Variants in XKR9 observed in about 807,000 individuals in gnomAD.
The protein encoded by XKR9 is XK related 9, also known as XK-related protein 9.
XKR9 carries 32 observed loss-of-function variants against 32.0 expected under a neutral mutation model. That is an observed-to-expected ratio of 1.00 (90% confidence interval 0.76 to 1.34). The LOEUF is 1.34. XKR9 is among the 40% of genes most tolerant of loss of function. The probability of loss-of-function intolerance (pLI) is 0.00; values close to 1 mark genes in which losing one functional copy is unlikely to be tolerated. For missense variants in XKR9, 546 were observed against 429.7 expected (o/e 1.27, Z -2.39); for synonymous variants, 168 against 143.4 (o/e 1.17, Z -1.22).
At chr8:70,821,028 G>A in the XKR9 span, among the ~76,000 whole-genome samples, 3 of 152,128 alleles carry the variant, frequency 2.0e-5, no homozygotes, top group South Asian at 2.1e-4. Flanking sequence ...CAAGTGCAAA[G>A]CCTCATTTGA....
the XKR9 span, among the ~76,000 whole-genome samples, chr8:71,006,221 G>A: frequency 2.0e-5 from 3 of 152,238 alleles, no homozygotes; most frequent in Non-Finnish European, 4.4e-5. Context: ...CCAAGTCCTT[G>A]TACAAGCTTG....
intron 4 of XKR9, among the ~76,000 whole-genome samples, chr8:70,714,872 T>C: frequency 6.6e-6 from 1 of 152,152 alleles, no homozygotes; most frequent in Non-Finnish European, 1.5e-5. Context: ...TTAATAAGAA[T>C]AATGTGATTG....
downstream of XKR9, among the ~76,000 whole-genome samples, chr8:70,740,292 T>C (rs1806947891): frequency 6.6e-6 from 1 of 152,188 alleles, no homozygotes; most frequent in South Asian, 2.1e-4. Context: ...CTTCACGTAG[T>C]TCTCGAGCCT....
the XKR9 span, among the ~76,000 whole-genome samples, chr8:70,957,237 C>A: frequency 3.9e-5 from 6 of 152,110 alleles, no homozygotes; most frequent in Non-Finnish European, 8.8e-5. Flanking sequence ...CATTGGAGAA[C>A]AAATCATAGA....
At chr8:70,709,403 G>A (rs551428128) in intron 4 of XKR9, among the ~76,000 whole-genome samples, 4 of 152,298 alleles carry the variant, frequency 2.6e-5, no homozygotes, top group South Asian at 2.1e-4. Flanking sequence ...AGACAAGGAT[G>A]CCCATTCTCA....
At chr8:70,872,388 A>T in the XKR9 span, among the ~76,000 whole-genome samples, 1 of 152,252 alleles carries the variant, frequency 6.6e-6, no homozygotes, top group Non-Finnish European at 1.5e-5. Flanking sequence ...AGGTTGGTTC[A>T]TAAAGATTAA....
At chr8:70,780,226 C>G (rs1002377031) in intron 2 of XKR9, among the ~76,000 whole-genome samples, 5 of 151,184 alleles carry the variant, frequency 3.3e-5, no homozygotes, top group African/African-American at 1.2e-4. Context: ...TCTCTTTTCT[C>G]TTCCATTTTA....
chr8:70,726,678 A>G (rs1806481299), intron 4 of XKR9, among the ~76,000 whole-genome samples: 2 of 152,240 alleles, frequency 1.3e-5, no homozygotes, highest in African/African-American at 4.8e-5. Context: ...AGTCAAAGCA[A>G]GAGTGGATTG....
rs560399912 is a variant in XKR9, at chr8:70,692,918, T to C, written c.272+11588T>C. On this transcript the variant is annotated intron_variant, in intron 3 of 4. Transcript: ENST00000408926. ...TTTTGAGGTATGTTCCTTCAATACC[T>C]AGGTTATTGAGAGTTTTTAACATGA... 1.8e-3 allele frequency among the ~76,000 whole-genome samples: 274 copies of C among 152,260 alleles called. 1 individual carries two copies. The highest frequency in any genetic ancestry group is 6.1e-3 in the African/African-American group (254 of 41,538).
At chr8:71,028,290 G>A in the XKR9 span, among the ~76,000 whole-genome samples, 3 of 152,080 alleles carry the variant, frequency 2.0e-5, no homozygotes, top group Non-Finnish European at 4.4e-5. Context: ...CGTTAGTTAA[G>A]TTTTTCCCTA....
the XKR9 span, among the ~76,000 whole-genome samples, chr8:70,873,670 A>G: frequency 1.3e-5 from 2 of 152,208 alleles, no homozygotes; most frequent in Non-Finnish European, 2.9e-5. Context: ...GGATGAGAAG[A>G]AAAAGTGGTT....
the XKR9 span, among the ~76,000 whole-genome samples, chr8:70,875,994 A>G: frequency 3.9e-5 from 6 of 152,298 alleles, no homozygotes; most frequent in East Asian, 5.8e-4. Context: ...ACATAAGCAT[A>G]TTTAATACAG....
intron 4 of XKR9, among the ~76,000 whole-genome samples, chr8:70,727,991 C>G (rs373083612): frequency 6.6e-6 from 1 of 152,168 alleles, no homozygotes; most frequent in Non-Finnish European, 1.5e-5. Flanking sequence ...ACTATAATTT[C>G]TAATCTCGTG....
the XKR9 span, among the ~76,000 whole-genome samples, chr8:70,932,687 C>T: frequency 6.6e-6 from 1 of 152,142 alleles, no homozygotes; most frequent in East Asian, 1.9e-4. Flanking sequence ...TTGTGGAGTG[C>T]CACCTTCTGC....
intron 2 of XKR9, chr8:70,677,967 A>C (rs1277440935): frequency 6.6e-6 from 1 of 152,232 alleles, no homozygotes; most frequent in Non-Finnish European, 1.5e-5. Flanking sequence ...CACATTAAAC[A>C]TATCCAGTAG....
At chr8:70,860,693 C>T in the XKR9 span, among the ~76,000 whole-genome samples, 1 of 145,814 alleles carries the variant, frequency 6.9e-6, no homozygotes, top group Non-Finnish European at 1.5e-5. Flanking sequence ...GCTCTATTTT[C>T]ACCCTTCTCC....
the XKR9 span, among the ~76,000 whole-genome samples, chr8:70,874,113 G>A: frequency 1.3e-5 from 2 of 152,022 alleles, no homozygotes; most frequent in East Asian, 3.9e-4. Context: ...TAATGCTATT[G>A]CACACTTAAT....
the XKR9 span, among the ~76,000 whole-genome samples, chr8:71,002,014 A>C: frequency 1.3e-5 from 2 of 152,318 alleles, no homozygotes; most frequent in East Asian, 3.9e-4. Context: ...ATATATATAT[A>C]TTGGAAAATA....
At chr8:70,928,112 A>G in the XKR9 span, among the ~76,000 whole-genome samples, 5 of 152,198 alleles carry the variant, frequency 3.3e-5, no homozygotes, top group Non-Finnish European at 7.4e-5. Context: ...GAGTAATTGC[A>G]GCTCACTGCA....
Sources: allele counts gnomAD v4.1 joint callset (sites outside exome capture counted in the v4.1 genomes callset), GRCh38; gene constraint gnomAD v4.1.1; transcripts MANE v1.5; gene names NCBI Gene and HGNC (gene_info 2026-07-23, HGNC 2026-07-21).